PCDHA7: variants seen among roughly 807,000 people sequenced by gnomAD.
PCDHA7 encodes protocadherin alpha-7.
A neutral mutation model predicts 57.2 loss-of-function variants in PCDHA7; 37 were observed. The observed-to-expected ratio is 0.65, with a 90% CI of 0.50 to 0.85. PCDHA7 has a LOEUF of 0.85. Ranked by LOEUF, PCDHA7 falls within the 40% of genes least tolerant of loss-of-function variation. PCDHA7 has a pLI of 0.00. For synonymous variants in PCDHA7, 553 were observed against 558.8 expected (o/e 0.99, Z 0.15); for missense variants, 1,188 against 1,241.8 (o/e 0.96, Z 0.65).
In PCDHA7 at chr5:140,836,194, A is replaced by T; in HGVS notation, c.1811A>T (p.Asn604Ile). ...VRAVDADSGY[N>I]AWLSYELQPV... is the part of the protein sequence containing the mutation. ...GCAGTTGACGCTGACTCAGGCTACA[A>T]CGCGTGGCTTTCGTATGAGTTGCAA... The change falls in exon 1 of 4, where the codon AAC (asparagine) becomes ATC (isoleucine). Residue 604 changes from asparagine to isoleucine, a missense_variant. Coordinates refer to ENST00000525929, the MANE Select transcript of PCDHA7 (RefSeq NM_018910.3). The T allele has an allele frequency of 6.2e-7, 1 of 1,613,794 alleles. No homozygotes were observed. Among genetic ancestry groups the T allele is most frequent in the Non-Finnish European group, 8.5e-7 (1 of 1,179,796 alleles).
At chr5:140,853,130 C>T in intron 1 of PCDHA7, 1 of 617,250 alleles carries the variant, frequency 1.6e-6, no homozygotes, top group Non-Finnish European at 2.1e-6. Context: ...CCTCCCGCCT[C>T]AGCCTCCCAA....
Position 140,838,737 on chromosome 5 carries a change from A to G in PCDHA7, c.2355+1999A>G, listed in dbSNP as rs2150292002. The stretch of plus-strand genomic sequence containing the variant: ...GATTGCTTCAGTCTAGTAGTTTGAG[A>G]CCAGCTTGTGCATCTTTTGTAGAGA... On this transcript the variant is annotated intron_variant, in intron 1 of 3. Coordinates refer to ENST00000525929, the MANE Select transcript of PCDHA7 (RefSeq NM_018910.3). Among the ~76,000 whole-genome samples, 22 of 152,120 alleles carry G rather than the reference A, an allele frequency of 1.4e-4. 1 individual carries two copies. Among genetic ancestry groups the G allele is most frequent in the African/African-American group, 5.3e-4 (22 of 41,484 alleles).
intron 1 of PCDHA7, among the ~76,000 whole-genome samples, chr5:140,913,578 A>G (rs1206858917): frequency 2.0e-5 from 3 of 152,072 alleles, no homozygotes; most frequent in Non-Finnish European, 2.9e-5. Context: ...CATTTCAAAT[A>G]TATTTCTGCT....
intron 1 of PCDHA7, among the ~76,000 whole-genome samples, chr5:140,895,848 G>C (rs147299280): frequency 2.2e-3 from 342 of 152,098 alleles, no homozygotes; most frequent in African/African-American, 8.1e-3. Context: ...TCTCACTCTT[G>C]TACCCCAGGC....
At chr5:140,856,624 G>T in intron 1 of PCDHA7, 1 of 1,597,992 alleles carries the variant, frequency 6.3e-7, no homozygotes, top group Non-Finnish European at 8.6e-7. Context: ...AATTCCCAGT[G>T]CTTGTTCTGC....
chr5:140,918,901 CTT>C (rs1386679785), intron 1 of PCDHA7, among the ~76,000 whole-genome samples: 6 of 152,198 alleles, frequency 3.9e-5, no homozygotes, highest in African/African-American at 1.4e-4. Flanking sequence ...ATAAATCTCT[CTT>C]GTTTATTAAC....
At chr5:140,883,283 G>C (rs782514861) in intron 1 of PCDHA7, 2 of 1,613,916 alleles carry the variant, frequency 1.2e-6, no homozygotes, top group Admixed American at 1.7e-5. Context: ...CCTTTTGGTG[G>C]AAGTACTAGA....
intron 1 of PCDHA7, chr5:140,881,964 A>G (rs1297923565): frequency 8.1e-6 from 3 of 368,944 alleles, no homozygotes; most frequent in East Asian, 9.0e-5. Context: ...TTAATCTTCA[A>G]TTACATATTT....
chr5:140,974,979 C>T (rs782292099), intron 1 of PCDHA7, among the ~76,000 whole-genome samples: 6 of 152,136 alleles, frequency 3.9e-5, no homozygotes, highest in African/African-American at 7.2e-5. Context: ...CTGAGTTGTC[C>T]GCTCAGGTAT....
In PCDHA7 at chr5:140,849,253, A is replaced by G. The variant is rs2150433533; in HGVS notation, c.2355+12515A>G. 179 of 1,102,320 alleles carry G rather than the reference A, an allele frequency of 1.6e-4. 8 individuals carry two copies. Among genetic ancestry groups the G allele is most frequent in the Middle Eastern group, 1.5e-3 (5 of 3,306 alleles). The allele number at this position is 1,102,320 out of a possible 1,614,324, so 68.3% of individuals were successfully genotyped here. On this transcript the variant is annotated intron_variant, in intron 1 of 3. Coordinates refer to ENST00000525929, the MANE Select transcript of PCDHA7 (RefSeq NM_018910.3). ...ACCCTGTATACGGTGAAATTACCAG[A>G]AAACGTTTCTATCGGAACGCTGGTG...
At position 140,902,128 on chromosome 5, in the gene PCDHA7, A is replaced by T. The variant is rs140093707; in HGVS notation, c.2355+65390A>T. On this transcript the variant is annotated intron_variant, in intron 1 of 3. Transcript: ENST00000525929. ...ATTTTTTTAAAACTGAGATTATATC[A>T]TCTGCAAACAAGGATAATTTGATTT... Among the ~76,000 whole-genome samples the T allele has an allele frequency of 8.6e-3, 1,299 of 150,978 alleles. 13 individuals are homozygous for T. Among genetic ancestry groups the T allele is most frequent in the African/African-American group, 0.03 (1,241 of 41,218 alleles).
At chr5:140,843,153 T>A (rs2150353928) in intron 1 of PCDHA7, 80,196 of 1,595,968 alleles carry the variant, frequency 0.05, 9,743 homozygotes, top group Non-Finnish European at 0.06. Flanking sequence ...TCGTATGAGC[T>A]GCAGCCAGCT....
At chr5:140,855,877 C>CT in intron 1 of PCDHA7, 1 of 897,114 alleles carries the variant, frequency 1.1e-6, no homozygotes, top group African/African-American at 1.7e-5. Flanking sequence ...CACAAAATAG[C>CT]TTTTTAGAAC....
chr5:140,890,594 T>A (rs1439050160), intron 1 of PCDHA7, among the ~76,000 whole-genome samples: 1 of 152,150 alleles, frequency 6.6e-6, no homozygotes, highest in East Asian at 1.9e-4. Context: ...GAAGCCCTTT[T>A]CCGAATAGCT....
At chr5:141,005,470 G>A (rs1563690887) in intron 3 of PCDHA7, among the ~76,000 whole-genome samples, 1 of 151,836 alleles carries the variant, frequency 6.6e-6, no homozygotes, top group South Asian at 2.1e-4. Context: ...TTGGGAGGCC[G>A]AGACGGGCGG....
chr5:140,956,775 C>T (rs1176979643), intron 1 of PCDHA7, among the ~76,000 whole-genome samples: 1 of 152,112 alleles, frequency 6.6e-6, no homozygotes, highest in Non-Finnish European at 1.5e-5. Context: ...CTGTCTGGTC[C>T]TGGGCTTTGT....
chr5:140,879,002 AG>A (rs1278268880), intron 1 of PCDHA7, among the ~76,000 whole-genome samples: 2 of 152,270 alleles, frequency 1.3e-5, no homozygotes, highest in African/African-American at 4.8e-5. Context: ...AGTATGCCCT[AG>A]AAATCAGATA....
At chr5:140,858,252 C>T in intron 1 of PCDHA7, 1 of 1,596,744 alleles carries the variant, frequency 6.3e-7, no homozygotes. Context: ...CCGGTGAAGC[C>T]CACGCTGGTG....
At chr5:140,876,168 C>A in intron 1 of PCDHA7, 5 of 1,613,918 alleles carry the variant, frequency 3.1e-6, no homozygotes, top group Non-Finnish European at 4.2e-6. Context: ...AAATAACCGT[C>A]CTGGATGTGA....
Sources: gnomAD v4.1 joint callset for allele counts (sites outside exome capture counted in the v4.1 genomes callset) on GRCh38, gnomAD v4.1.1 for gene constraint, MANE v1.5 for transcripts, NCBI Gene and HGNC (gene_info 2026-07-23, HGNC 2026-07-21) for gene names.